The following KATNIP variants were observed in gnomAD, a reference collection of about 807,000 sequenced individuals.
KATNIP encodes the protein katanin interacting protein.
In KATNIP, 126 loss-of-function variants were observed where a neutral mutation model predicts 174.0. The ratio of observed to expected loss-of-function variants is 0.72; its 90% CI spans 0.63 to 0.84. The LOEUF is 0.84. Among genes scored for constraint, KATNIP ranks in the 40% least tolerant of loss-of-function variants. The probability of loss-of-function intolerance (pLI) is 0.00; values close to 1 mark genes in which losing one functional copy is unlikely to be tolerated. For synonymous variants in KATNIP, 810 were observed against 835.7 expected (o/e 0.97, Z 0.53); for missense variants, 1,958 against 2,109.7 (o/e 0.93, Z 1.41).
intron 14 of KATNIP, among the ~76,000 whole-genome samples, chr16:27,735,226 C>T (rs1225065892): frequency 1.3e-5 from 2 of 152,184 alleles, no homozygotes; most frequent in South Asian, 2.1e-4. Flanking sequence ...CCCCTGCCTC[C>T]GCCTGCTTCC....
chr16:27,622,915 G>A (rs1167409456), intron 3 of KATNIP, among the ~76,000 whole-genome samples: 1 of 152,194 alleles, frequency 6.6e-6, no homozygotes, highest in Non-Finnish European at 1.5e-5. Context: ...GGTCATGCAA[G>A]CTGGGGAAAT....
At chr16:27,721,756 G>A in intron 14 of KATNIP, 61 bp downstream of exon 14, 1 of 1,573,704 alleles carries the variant, frequency 6.4e-7, no homozygotes. Context: ...TTAGCAGTTT[G>A]CCAATAGCCT....
chr16:27,702,940 G>A (rs1367862715), intron 11 of KATNIP, among the ~76,000 whole-genome samples: 3 of 152,312 alleles, frequency 2.0e-5, no homozygotes, highest in Admixed American at 2.0e-4. Flanking sequence ...GCCCAGGTGG[G>A]CAAATCACCT....
chr16:27,624,576 G>A (rs1040513674), intron 3 of KATNIP, among the ~76,000 whole-genome samples: 4 of 152,144 alleles, frequency 2.6e-5, no homozygotes, highest in Admixed American at 1.3e-4. Context: ...AGGACTTTGG[G>A]AAGCCAAGGT....
At chr16:27,609,706 T>G (rs1223125376) in intron 2 of KATNIP, among the ~76,000 whole-genome samples, 2 of 151,284 alleles carry the variant, frequency 1.3e-5, no homozygotes, top group African/African-American at 4.9e-5. Context: ...TTTTTTTTTT[T>G]TTTTGAGGTG....
chr16:27,759,551 C>G (rs1356953563), intron 18 of KATNIP, among the ~76,000 whole-genome samples: 2 of 152,214 alleles, frequency 1.3e-5, no homozygotes, highest in African/African-American at 4.8e-5. Flanking sequence ...TGGTTGGCCT[C>G]TACTGGGCCT....
chr16:27,732,006 G>C (rs544871600), intron 14 of KATNIP, among the ~76,000 whole-genome samples: 5 of 152,196 alleles, frequency 3.3e-5, no homozygotes, highest in Non-Finnish European at 7.3e-5. Context: ...TGTTAGCGCC[G>C]ACCCGGTATT....
At chr16:27,651,823 G>A (rs189810189) in intron 6 of KATNIP, among the ~76,000 whole-genome samples, 5 of 152,334 alleles carry the variant, frequency 3.3e-5, no homozygotes, top group Admixed American at 2.0e-4. Context: ...GGGTTCAAGC[G>A]ATTCTCCAGC....
intron 8 of KATNIP, among the ~76,000 whole-genome samples, chr16:27,683,952 AC>A (rs565578998): frequency 1.3e-5 from 2 of 150,354 alleles, no homozygotes; most frequent in East Asian, 3.9e-4. Flanking sequence ...CACTGCACGA[AC>A]CCCCCTAGAG....
chr16:27,598,964 A>T lies in KATNIP; in HGVS notation c.64-19461A>T, dbSNP rs548558685. ...CTTTGCACCTTTGCCATTAAGCAAC[A>T]TCAGAGATCCAGCATAACCTGGGGA... On this transcript the variant is annotated intron_variant, in intron 2 of 27. Coordinates refer to ENST00000261588, the MANE Select transcript of KATNIP (RefSeq NM_015202.5). Among the ~76,000 whole-genome samples the T allele has an allele frequency of 4.6e-5, 7 of 152,310 alleles. No individual in the cohort carries two copies. In the East Asian group the frequency reaches 1.4e-3, roughly 29 times the overall value.
At chr16:27,663,812 A>G (rs992987178) in intron 6 of KATNIP, among the ~76,000 whole-genome samples, 3 of 148,576 alleles carry the variant, frequency 2.0e-5, no homozygotes, top group African/African-American at 7.4e-5. Context: ...CCCCTCCTAT[A>G]TGTTTATTTT....
chr16:27,635,437 C>T (rs2076604253), intron 5 of KATNIP, among the ~76,000 whole-genome samples: 1 of 152,072 alleles, frequency 6.6e-6, no homozygotes, highest in East Asian at 1.9e-4. Flanking sequence ...GGACTCTGCT[C>T]CACACACCCA....
chr16:27,719,266 T>G (rs1267202391), intron 13 of KATNIP, among the ~76,000 whole-genome samples: 1 of 152,192 alleles, frequency 6.6e-6, no homozygotes, highest in African/African-American at 2.4e-5. Context: ...CTTCAAGGGC[T>G]GCACACTCTT....
At chr16:27,570,430 G>A (rs1440935607) in intron 1 of KATNIP, among the ~76,000 whole-genome samples, 1 of 152,058 alleles carries the variant, frequency 6.6e-6, no homozygotes, top group South Asian at 2.1e-4. Context: ...AGCCAGGCAT[G>A]GTGGTGGGCA....
chr16:27,777,170 G>A lies in KATNIP; in HGVS notation c.4551+141G>A, dbSNP rs575506997. 4.0e-4 allele frequency: 251 copies of A among 633,546 alleles called. 1 individual carries two copies. Among genetic ancestry groups the A allele is most frequent in the African/African-American group, 3.9e-3 (216 of 54,802 alleles). The allele number at this position is 633,546 out of a possible 1,614,324, so 39.2% of individuals were successfully genotyped here. On this transcript the variant is annotated intron_variant, in intron 25 of 27. Transcript: ENST00000261588. This position sits in a 1 kb window ranked among gnomAD's most constrained non-coding sequence, Gnocchi z 4.4. ...AAATGCCTGGTCGTCAGATGCAGGC[G>A]AATTTCCCACCCAACCATGAATTCA...
At position 27,761,558 on chromosome 16, in the gene KATNIP, C is replaced by T. The variant is rs142583518; in HGVS notation, c.3777C>T (p.Pro1259=). 36 of 1,614,082 alleles carry T rather than the reference C, an allele frequency of 2.2e-5. No individual in the cohort carries two copies. Among genetic ancestry groups the T allele is most frequent in the East Asian group, 1.1e-4 (5 of 44,888 alleles). Residue 1259 remains proline (P), a synonymous_variant, in exon 19 of 28, where the codon CCC becomes CCT. Coordinates refer to ENST00000261588, the MANE Select transcript of KATNIP (RefSeq NM_015202.5). The stretch of plus-strand genomic sequence containing the variant: ...CCCCCAGAGACTTAAATGAGCTCCC[C>T]GAGTACTCTGACGACTCCCGGGCCC... ...SASPRDLNEL[P]EYSDDSRALD...
At position 27,737,214 on chromosome 16, in the gene KATNIP, C is replaced by CA. The variant is rs962830382; in HGVS notation, c.1744-2818dup. 6.0e-5 allele frequency among the ~76,000 whole-genome samples: 9 copies of CA among 150,872 alleles called. No individual in the cohort carries two copies. The South Asian group carries it at 6.3e-4, about 11-fold the overall frequency. ...ACAACATAGTGAGACCCCGTCTCTA[C>CA]AAAAAAAAATTTATTTTAATTAGCT... On this transcript the variant is annotated intron_variant, in intron 14 of 27. Coordinates refer to ENST00000261588, the MANE Select transcript of KATNIP (RefSeq NM_015202.5).
chr16:27,563,688 G>A (rs1194289303), intron 1 of KATNIP, among the ~76,000 whole-genome samples: 1 of 151,928 alleles, frequency 6.6e-6, no homozygotes, highest in East Asian at 1.9e-4. Context: ...GGTAGGGTCT[G>A]GTTTTTATAT....
At chr16:27,677,233 A>G (rs949830481) in intron 6 of KATNIP, among the ~76,000 whole-genome samples, 1 of 152,174 alleles carries the variant, frequency 6.6e-6, no homozygotes, top group Non-Finnish European at 1.5e-5. Context: ...CCTGACAGAC[A>G]TTTTACCATC....
Sources: allele counts gnomAD v4.1 joint callset (sites outside exome capture counted in the v4.1 genomes callset), GRCh38; gene constraint gnomAD v4.1.1; non-coding constraint Gnocchi (gnomAD v3.1); transcripts MANE v1.5; gene names NCBI Gene and HGNC (gene_info 2026-07-23, HGNC 2026-07-21).